Variants in MAGI1 observed in about 807,000 individuals in gnomAD.
MAGI1 encodes the protein membrane associated guanylate kinase, WW and PDZ domain containing 1.
MAGI1 carries 58 observed loss-of-function variants against 139.9 expected under a neutral mutation model. That is an observed-to-expected ratio of 0.41 (90% CI 0.34 to 0.52). MAGI1 has a LOEUF of 0.52. MAGI1 is among the 20% of genes least tolerant of loss of function. The pLI, the probability that MAGI1 is intolerant of heterozygous loss-of-function variation, is 0.12. For missense variants in MAGI1, 1,874 were observed against 1,901.6 expected (o/e 0.99, Z 0.27); for synonymous variants, 812 against 737.9 (o/e 1.10, Z -1.63).
chr3:65,364,829 C>T, intron 19 of MAGI1, 24 bp downstream of exon 19: 1 of 1,613,250 alleles, frequency 6.2e-7, no homozygotes, highest in Non-Finnish European at 8.5e-7. Context: ...TCCCCTTTAA[C>T]AAAGGAAACC....
At chr3:65,427,204 T>C (rs765632863) in intron 12 of MAGI1, among the ~76,000 whole-genome samples, 8 of 151,926 alleles carry the variant, frequency 5.3e-5, no homozygotes, top group Non-Finnish European at 7.4e-5. Context: ...CTCAGCTACT[T>C]GGGGGGCTAA....
chr3:65,690,621 C>T (rs979862463), intron 1 of MAGI1, among the ~76,000 whole-genome samples: 2 of 132,150 alleles, frequency 1.5e-5, no homozygotes, highest in Admixed American at 7.4e-5. Context: ...CCACCATGCC[C>T]GGCTCATTTG....
chr3:65,600,200 G>A, intron 2 of MAGI1, among the ~76,000 whole-genome samples: 1 of 152,116 alleles, frequency 6.6e-6, no homozygotes, highest in East Asian at 1.9e-4. Context: ...TCTTTTGCAA[G>A]GAATCTGCAT....
At chr3:65,392,585 C>T (rs531891161) in intron 13 of MAGI1, among the ~76,000 whole-genome samples, 6 of 152,194 alleles carry the variant, frequency 3.9e-5, no homozygotes, top group South Asian at 2.1e-4. Context: ...CCAGGTGTTC[C>T]GATCAATCCT....
At chr3:66,024,584 A>G (rs902302533) in intron 1 of MAGI1, among the ~76,000 whole-genome samples, 3 of 152,176 alleles carry the variant, frequency 2.0e-5, no homozygotes, top group Non-Finnish European at 2.9e-5. Flanking sequence ...AGGTGGGCGG[A>G]TCACCTGAGG....
At chr3:65,421,529 G>A (rs1339013226) in intron 12 of MAGI1, among the ~76,000 whole-genome samples, 1 of 152,106 alleles carries the variant, frequency 6.6e-6, no homozygotes, top group Non-Finnish European at 1.5e-5. Flanking sequence ...CTTTAAAACA[G>A]ACTTCTGACA....
intron 1 of MAGI1, among the ~76,000 whole-genome samples, chr3:65,690,201 C>G (rs1199034294): frequency 6.6e-6 from 1 of 152,108 alleles, no homozygotes; most frequent in Admixed American, 6.5e-5. Context: ...TACATGGAGT[C>G]TATTTGATTA....
In MAGI1 at chr3:65,949,090, C is replaced by T. The variant is rs376914395; in HGVS notation, c.313+88906G>A. Among the ~76,000 whole-genome samples, 10 of 152,308 alleles carry T rather than the reference C, an allele frequency of 6.6e-5. No homozygotes were observed. In the South Asian group the frequency reaches 1.9e-3, roughly 28 times the overall value. On this transcript the variant is annotated intron_variant, in intron 1 of 22. Transcript: ENST00000402939. ...CTCAAAGCATTTGTCACCTCCGGAG[C>T]ACACTTCCATTGCTGCCAACATGAC...
At chr3:65,459,412 T>A (rs113785265) in intron 5 of MAGI1, among the ~76,000 whole-genome samples, 2 of 152,316 alleles carry the variant, frequency 1.3e-5, no homozygotes, top group African/African-American at 4.8e-5. Context: ...TTTAACAATA[T>A]TGATTCTTCC....
intron 1 of MAGI1, among the ~76,000 whole-genome samples, chr3:65,965,868 G>A (rs1222623211): frequency 6.6e-6 from 1 of 152,056 alleles, no homozygotes; most frequent in Non-Finnish European, 1.5e-5. Context: ...TGGCTGGGCT[G>A]GTCTCGAACT....
intron 2 of MAGI1, among the ~76,000 whole-genome samples, chr3:65,619,288 T>C (rs955963112): frequency 3.3e-5 from 5 of 152,222 alleles, no homozygotes; most frequent in African/African-American, 1.2e-4. Context: ...TGCATTTCCT[T>C]TGCCAGAGAA....
At chr3:65,792,969 C>T (rs1047838334) in intron 1 of MAGI1, among the ~76,000 whole-genome samples, 3 of 152,130 alleles carry the variant, frequency 2.0e-5, no homozygotes, top group African/African-American at 7.2e-5. Context: ...GAGTCTCATG[C>T]ACACCAAAGT....
In MAGI1 at chr3:65,456,559, C is replaced by A. The variant is rs115286140; in HGVS notation, c.960-3219G>T. Among the ~76,000 whole-genome samples the A allele has an allele frequency of 6.4e-3, 976 of 152,056 alleles. 11 individuals carry two copies. The highest frequency in any genetic ancestry group is 0.023 in the African/African-American group (935 of 41,488). On this transcript the variant is annotated intron_variant, in intron 5 of 22. Coordinates refer to ENST00000402939, the MANE Select transcript of MAGI1 (RefSeq NM_001033057.2). ...ATGTCAAATTTATCATTTTTTCTTTCTCAGGGATCTTGCTTTTGATGTCTC... is the reference window on the plus strand; with the variant it reads ...ATGTCAAATTTATCATTTTTTCTTTATCAGGGATCTTGCTTTTGATGTCTC...
At chr3:65,374,446 T>C (rs1942306707) in intron 18 of MAGI1, among the ~76,000 whole-genome samples, 1 of 151,166 alleles carries the variant, frequency 6.6e-6, no homozygotes, top group Non-Finnish European at 1.5e-5. Context: ...GCCTCCCAAG[T>C]AGCTGGGACT....
chr3:65,978,400 T>G (rs1012951122), intron 1 of MAGI1, among the ~76,000 whole-genome samples: 5 of 152,138 alleles, frequency 3.3e-5, no homozygotes, highest in African/African-American at 9.7e-5. Context: ...TGCTCTGTCT[T>G]GCTCACTGCT....
chr3:65,918,516 G>C (rs1169849402), intron 1 of MAGI1, among the ~76,000 whole-genome samples: 1 of 151,724 alleles, frequency 6.6e-6, no homozygotes, highest in Non-Finnish European at 1.5e-5. Context: ...GAGTAGCTGG[G>C]ATTACAGGTG....
chr3:65,688,106 G>A (rs1408298518), intron 1 of MAGI1: 2 of 763,258 alleles, frequency 2.6e-6, no homozygotes, highest in East Asian at 6.5e-5. Flanking sequence ...CTGCACATAG[G>A]TGTTGCTTGC....
intron 1 of MAGI1, among the ~76,000 whole-genome samples, chr3:65,735,720 ACCAAGGAGG>A (rs1216477132): frequency 6.6e-6 from 1 of 152,208 alleles, no homozygotes; most frequent in Non-Finnish European, 1.5e-5. Flanking sequence ...ACATGTGCTG[ACCAAGGAGG>A]CTCCACAGTT....
At chr3:65,621,533 A>G (rs753029887) in intron 2 of MAGI1, among the ~76,000 whole-genome samples, 74 of 152,346 alleles carry the variant, frequency 4.9e-4, no homozygotes, top group Non-Finnish European at 8.7e-4. Flanking sequence ...CCACTGGGGT[A>G]TTCCCTTCAC....
Sources: gnomAD v4.1 joint callset for allele counts (sites outside exome capture counted in the v4.1 genomes callset) on GRCh38, gnomAD v4.1.1 for gene constraint, MANE v1.5 for transcripts, NCBI Gene and HGNC (gene_info 2026-07-23, HGNC 2026-07-21) for gene names.